Variants in ZFHX3 observed in about 807,000 individuals in gnomAD.
ZFHX3 encodes the protein zinc finger homeobox 3, also known as zinc finger homeobox protein 3.
Under a neutral mutation model 279.1 loss-of-function variants are expected in ZFHX3, and 42 were observed. The ratio of observed to expected loss-of-function variants is 0.15; its 90% confidence interval spans 0.12 to 0.19. The LOEUF is 0.19. Ranked by LOEUF, ZFHX3 falls within the 10% of genes least tolerant of loss-of-function variation. The pLI is 1.00. For synonymous variants in ZFHX3, 2,293 were observed against 1,957.8 expected (o/e 1.17, Z -4.52); for missense variants, 4,981 against 4,754.0 (o/e 1.05, Z -1.40).
intron 3 of ZFHX3, among the ~76,000 whole-genome samples, chr16:73,362,245 A>G (rs950591712): frequency 3.9e-5 from 6 of 152,174 alleles, no homozygotes; most frequent in Non-Finnish European, 7.4e-5. Context: ...GAGAGGCACA[A>G]TGTTTTGTCT....
At chr16:73,389,714 A>T (rs60279616) in intron 3 of ZFHX3, among the ~76,000 whole-genome samples, 1 of 152,130 alleles carries the variant, frequency 6.6e-6, no homozygotes, top group African/African-American at 2.4e-5. Flanking sequence ...ATTTCCACCC[A>T]CTGGTTCCCA....
At chr16:72,986,233 G>T (rs1189836182) in intron 1 of ZFHX3, among the ~76,000 whole-genome samples, 1 of 152,118 alleles carries the variant, frequency 6.6e-6, no homozygotes, top group Non-Finnish European at 1.5e-5. Context: ...GGAAGGGGAG[G>T]ACGGAAGCAC....
chr16:72,981,637 C>G (rs1198469712), intron 1 of ZFHX3, among the ~76,000 whole-genome samples: 1 of 152,110 alleles, frequency 6.6e-6, no homozygotes, highest in Non-Finnish European at 1.5e-5. Context: ...TGTAGGTAAA[C>G]GGCCCAGTGG....
In ZFHX3 at chr16:73,842,377, A is replaced by C. The variant is rs531653062; in HGVS notation, c.-1608+49274T>G. ...CCTCCCCAGGATCATGGTGGGAAGGAATTACCCCCCAGCCTTAAGTTCCTG... is the reference window on the plus strand; with the variant it reads ...CCTCCCCAGGATCATGGTGGGAAGGCATTACCCCCCAGCCTTAAGTTCCTG... On this transcript the variant is annotated intron_variant, in intron 1 of 17. Coordinates refer to the ZFHX3 transcript ENST00000641206. 6.2e-4 allele frequency among the ~76,000 whole-genome samples: 94 copies of C among 152,114 alleles called. 1 individual carries two copies. The highest frequency in any genetic ancestry group is 9.4e-4 in the Non-Finnish European group (64 of 67,988).
chr16:72,822,795 GTTTTTTT>G (rs11365314), intron 5 of ZFHX3, among the ~76,000 whole-genome samples: 18 of 90,438 alleles, frequency 2.0e-4, no homozygotes, highest in Non-Finnish European at 3.2e-4. Flanking sequence ...TAGAAAGTGA[GTTTTTTT>G]TTTTTTTTTT....
chr16:72,822,795 G>GTTT (rs11365314), intron 5 of ZFHX3, among the ~76,000 whole-genome samples: 21 of 90,430 alleles, frequency 2.3e-4, no homozygotes, highest in African/African-American at 7.0e-4. Flanking sequence ...TAGAAAGTGA[G>GTTT]TTTTTTTTTT....
At position 72,959,510 on chromosome 16, in the gene ZFHX3, G is replaced by C. The variant is rs771030027; in HGVS notation, c.636C>G (p.Asp212Glu). 1 of 1,614,272 alleles carries C rather than the reference G, an allele frequency of 6.2e-7. No homozygotes were observed. The highest frequency in any genetic ancestry group is 8.5e-7 in the Non-Finnish European group (1 of 1,180,046). Residue 212 changes from aspartate (D) to glutamate (E), a missense_variant, in exon 2 of 10, where the codon GAC becomes GAG. Around this residue, in one of 7 missense-constraint regions of ZFHX3, gnomAD observed 1,068 missense variants for 935.2 expected, o/e 1.14. Transcript: ENST00000268489. ...SSFGKWFEGP[D>E]QAFPNTSALA... is the part of the protein sequence containing the mutation. ...GGGCTGAGGTATTCGGGAAAGCCTG[G>C]TCTGGGCCCTCAAACCATTTCCCGA... is the stretch of plus-strand genomic sequence containing the variant.
At chr16:73,476,071 T>C (rs1345833900) in intron 2 of ZFHX3, among the ~76,000 whole-genome samples, 2 of 152,182 alleles carry the variant, frequency 1.3e-5, no homozygotes. Context: ...TTTTAATTTG[T>C]TCGGTTCTTT....
intron 2 of ZFHX3, among the ~76,000 whole-genome samples, chr16:73,583,236 C>G (rs2051880199): frequency 6.6e-6 from 1 of 152,150 alleles, no homozygotes; most frequent in African/African-American, 2.4e-5. Context: ...CCTATAATAT[C>G]TATTCCAGAT....
At chr16:73,529,467 A>C (rs146849623) in intron 2 of ZFHX3, among the ~76,000 whole-genome samples, 72 of 152,296 alleles carry the variant, frequency 4.7e-4, no homozygotes, top group Non-Finnish European at 8.1e-4. Flanking sequence ...GCACCCACCC[A>C]GGCAGGGAGG....
intron 1 of ZFHX3, among the ~76,000 whole-genome samples, chr16:73,785,589 T>G (rs1350509129): frequency 2.6e-5 from 4 of 152,134 alleles, no homozygotes; most frequent in African/African-American, 7.2e-5. Flanking sequence ...CATGAGTTCT[T>G]TTTTTAGGTT....
intron 1 of ZFHX3, among the ~76,000 whole-genome samples, chr16:72,992,174 C>T (rs981474323): frequency 2.6e-5 from 4 of 152,182 alleles, no homozygotes; most frequent in Non-Finnish European, 5.9e-5. Context: ...TCCCTCCTTG[C>T]TAGAGCAGAG....
At chr16:72,917,163 T>C (rs2039462172) in intron 3 of ZFHX3, among the ~76,000 whole-genome samples, 1 of 152,084 alleles carries the variant, frequency 6.6e-6, no homozygotes, top group Non-Finnish European at 1.5e-5. Flanking sequence ...ATTACTTGAT[T>C]CCAGAAGGCC....
At chr16:73,598,003 T>G (rs2052070216) in intron 2 of ZFHX3, among the ~76,000 whole-genome samples, 1 of 152,094 alleles carries the variant, frequency 6.6e-6, no homozygotes, top group African/African-American at 2.4e-5. Context: ...GGATTTGGGA[T>G]GGTCAGTAAT....
chr16:73,021,995 C>T (rs1032680940), intron 1 of ZFHX3, among the ~76,000 whole-genome samples: 3 of 152,142 alleles, frequency 2.0e-5, no homozygotes, highest in Admixed American at 2.0e-4. Context: ...TCACCTTCTC[C>T]GAAAGCCTTT....
At position 73,431,587 on chromosome 16, in the gene ZFHX3, A is replaced by T. The variant is rs189005709; in HGVS notation, c.-1291+24416T>A. Among the ~76,000 whole-genome samples, 452 of 152,246 alleles carry T rather than the reference A, an allele frequency of 3.0e-3. 3 individuals are homozygous for T. Among genetic ancestry groups the T allele is most frequent in the African/African-American group, 0.01 (425 of 41,540 alleles). ...TATAAAAGTACATATATATTCCATA[A>T]ATGTTCCATTATTTATAAATTTAAT... On this transcript the variant is annotated intron_variant, in intron 3 of 17. Coordinates refer to the ZFHX3 transcript ENST00000641206.
At chr16:73,372,734 C>A (rs997072364) in intron 3 of ZFHX3, among the ~76,000 whole-genome samples, 2 of 152,164 alleles carry the variant, frequency 1.3e-5, no homozygotes, top group African/African-American at 4.8e-5. Flanking sequence ...TCCGGTGACA[C>A]TGGAGAGAAG....
chr16:73,082,097 A>G lies in ZFHX3; in HGVS notation c.-533+11138T>C, dbSNP rs180714527. On this transcript the variant is annotated intron_variant, in intron 8 of 17. Transcript: ENST00000641206. ...GGTGATCCACCCGCCTCAGTCTCTC[A>G]AAGTGCTGGGATTACAGGTGTGAGC... is the stretch of plus-strand genomic sequence containing the variant. Among the ~76,000 whole-genome samples the G allele has an allele frequency of 3.9e-5, 6 of 152,106 alleles. No individual in the cohort carries two copies. In the East Asian group the frequency reaches 1.2e-3, roughly 30 times the overall value.
At chr16:73,301,011 A>T (rs2015044044) in intron 4 of ZFHX3, among the ~76,000 whole-genome samples, 1 of 152,222 alleles carries the variant, frequency 6.6e-6, no homozygotes, top group Admixed American at 6.5e-5. Flanking sequence ...AGAAGTCAGG[A>T]AATAGATTTC....
Sources: allele counts gnomAD v4.1 joint callset (sites outside exome capture counted in the v4.1 genomes callset), GRCh38; gene constraint gnomAD v4.1.1; regional missense constraint gnomAD v4.1.1; transcripts MANE v1.5; gene names NCBI Gene and HGNC (gene_info 2026-07-23, HGNC 2026-07-21).